Variants in NAV3 observed in about 807,000 individuals in gnomAD.
The protein encoded by NAV3 is pore membrane and/or filament interacting like protein 1.
In NAV3, 87 loss-of-function variants were observed where a neutral mutation model predicts 244.7. The ratio of observed to expected loss-of-function variants is 0.36; its 90% CI spans 0.30 to 0.42. NAV3 has a LOEUF of 0.42. Ranked by LOEUF, NAV3 falls within the 20% of genes least tolerant of loss-of-function variation. The probability of loss-of-function intolerance (pLI) is 1.00; values close to 1 mark genes in which losing one functional copy is unlikely to be tolerated. For missense variants in NAV3, 2,663 were observed against 2,893.3 expected (o/e 0.92, Z 1.83); for synonymous variants, 1,126 against 1,042.2 (o/e 1.08, Z -1.55).
Position 78,210,611 on chromosome 12 carries a change from C to A in NAV3, c.*94C>A. 6.9e-7 allele frequency: 1 copy of A among 1,445,690 alleles called. No homozygotes were observed. The highest frequency in any genetic ancestry group is 1.4e-5 in the South Asian group (1 of 73,088). 89.6% of individuals were successfully genotyped at this position (1,445,690 alleles called of 1,614,324 possible). A position where few individuals can be genotyped will look rare whatever the true frequency, so the allele number is the denominator to read the frequency against. On this transcript the variant is annotated 3_prime_UTR_variant, in exon 40 of 40. Coordinates refer to ENST00000397909, the MANE Select transcript of NAV3 (RefSeq NM_001024383.2). ...TAAACCACTGCCAGTATAAAAGCAC[C>A]CTGTCAAGGGCCCTGACCCAGAGTT... is the stretch of plus-strand genomic sequence containing the variant.
intron 34 of NAV3, among the ~76,000 whole-genome samples, chr12:78,192,933 G>A (rs1483325193): frequency 1.3e-5 from 2 of 152,070 alleles, no homozygotes; most frequent in East Asian, 3.9e-4. Flanking sequence ...GAGGGTAAGT[G>A]AGGATAAATA....
intron 12 of NAV3, among the ~76,000 whole-genome samples, chr12:78,077,650 CAT>C (rs1396134583): frequency 3.9e-5 from 6 of 152,128 alleles, no homozygotes; most frequent in African/African-American, 1.4e-4. Context: ...GCAACAGAAA[CAT>C]ATTGTCCAGG....
chr12:77,826,487 G>A (rs921993392), upstream of NAV3, among the ~76,000 whole-genome samples: 7 of 152,040 alleles, frequency 4.6e-5, no homozygotes, highest in Admixed American at 1.3e-4. Context: ...GCGTGACTCT[G>A]TCCCCCTCCC....
rs145622902 is a variant in NAV3 at position 77,634,664 on chromosome 12, C to T, written c.72+62398C>T. 5.3e-4 allele frequency among the ~76,000 whole-genome samples: 80 copies of T among 152,046 alleles called. 1 individual carries two copies. Among genetic ancestry groups the T allele is most frequent in the African/African-American group, 1.9e-3 (78 of 41,498 alleles). ...TCGCCTATTTCCATTTTGAAATTTC[C>T]TTAAAAATATATCTGTGCATATTAA... is the stretch of plus-strand genomic sequence containing the variant. On this transcript the variant is annotated intron_variant, in intron 2 of 8. Coordinates refer to the NAV3 transcript ENST00000550042.
intron 12 of NAV3, among the ~76,000 whole-genome samples, chr12:78,071,215 C>T (rs1028949762): frequency 2.2e-4 from 34 of 152,186 alleles, no homozygotes; most frequent in Admixed American, 1.7e-3. Context: ...CCAGCACCTG[C>T]TGTTTCCTGA....
chr12:78,029,393 G>GATAGAA (rs1878607377), intron 9 of NAV3, among the ~76,000 whole-genome samples: 1 of 152,134 alleles, frequency 6.6e-6, no homozygotes, highest in Non-Finnish European at 1.5e-5. Context: ...GAGACAACAT[G>GATAGAA]ATAGAAATGC....
At chr12:77,803,321 C>T (rs530429932) in intron 2 of NAV3, among the ~76,000 whole-genome samples, 1 of 152,226 alleles carries the variant, frequency 6.6e-6, no homozygotes, top group East Asian at 1.9e-4. Context: ...TGTTTCCCTC[C>T]CTGTGTCCAT....
chr12:77,866,873 A>G (rs1326570239), intron 1 of NAV3, among the ~76,000 whole-genome samples: 3 of 152,226 alleles, frequency 2.0e-5, no homozygotes, highest in Admixed American at 6.5e-5. Flanking sequence ...AAACCTCTCA[A>G]ATATACTTAC....
At chr12:77,590,794 C>T (rs574843837) in intron 2 of NAV3, among the ~76,000 whole-genome samples, 1 of 152,314 alleles carries the variant, frequency 6.6e-6, no homozygotes, top group Non-Finnish European at 1.5e-5. Flanking sequence ...ATTAAGAAAG[C>T]AGGTTGTAGC....
At chr12:78,174,435 C>G (rs1166877412) in intron 24 of NAV3, among the ~76,000 whole-genome samples, 3 of 151,756 alleles carry the variant, frequency 2.0e-5, no homozygotes, top group Non-Finnish European at 2.9e-5. Flanking sequence ...TTAGAAACAG[C>G]CTAAGGCTGA....
intron 1 of NAV3, among the ~76,000 whole-genome samples, chr12:77,935,217 A>G (rs1165542004): frequency 2.6e-5 from 4 of 152,292 alleles, no homozygotes; most frequent in East Asian, 3.9e-4. Context: ...TAATACTGTC[A>G]GTAGTAAAAA....
chr12:77,967,660 C>CT (rs1165838204), intron 4 of NAV3, among the ~76,000 whole-genome samples: 1 of 152,012 alleles, frequency 6.6e-6, no homozygotes, highest in East Asian at 1.9e-4. Flanking sequence ...TCAAGCTTTA[C>CT]ATCCTTCTCT....
At chr12:78,155,091 A>G (rs1335684512) in intron 22 of NAV3, among the ~76,000 whole-genome samples, 6 of 152,078 alleles carry the variant, frequency 3.9e-5, no homozygotes, top group African/African-American at 1.2e-4. Flanking sequence ...AACATATGCC[A>G]TAGTGATTTG....
intron 1 of NAV3, among the ~76,000 whole-genome samples, chr12:77,839,130 ATC>A (rs1163734257): frequency 1.3e-5 from 2 of 152,182 alleles, no homozygotes; most frequent in Non-Finnish European, 2.9e-5. Flanking sequence ...CAGCATGTCT[ATC>A]TCTATCCACC....
intron 2 of NAV3, among the ~76,000 whole-genome samples, chr12:77,742,201 GGA>G (rs1429571131): frequency 1.3e-5 from 2 of 151,778 alleles, no homozygotes; most frequent in Admixed American, 6.6e-5. Context: ...GTTAACTTTG[GGA>G]GAGTTTTTCA....
chr12:77,865,119 A>G (rs547193680), intron 1 of NAV3, among the ~76,000 whole-genome samples: 3 of 152,240 alleles, frequency 2.0e-5, no homozygotes, highest in East Asian at 3.9e-4. Context: ...AAATATAAAT[A>G]GTGGGTGAGG....
At chr12:78,135,253 T>A (rs1393153908) in intron 18 of NAV3, among the ~76,000 whole-genome samples, 1 of 152,214 alleles carries the variant, frequency 6.6e-6, no homozygotes, top group African/African-American at 2.4e-5. Flanking sequence ...AATCAGAGAC[T>A]GTGTCATATT....
At chr12:78,002,261 T>C in intron 7 of NAV3, among the ~76,000 whole-genome samples, 1 of 152,164 alleles carries the variant, frequency 6.6e-6, no homozygotes, top group East Asian at 1.9e-4. Context: ...TGGAGAGGTG[T>C]TTTTCCATGT....
intron 1 of NAV3, among the ~76,000 whole-genome samples, chr12:77,870,876 TA>T (rs1880847340): frequency 6.6e-6 from 1 of 152,236 alleles, no homozygotes; most frequent in South Asian, 2.1e-4. Flanking sequence ...AAAGCCTAAG[TA>T]AACATTTGTT....
Sources: gnomAD v4.1 joint callset for allele counts (sites outside exome capture counted in the v4.1 genomes callset) on GRCh38, gnomAD v4.1.1 for gene constraint, MANE v1.5 for transcripts, NCBI Gene and HGNC (gene_info 2026-07-23, HGNC 2026-07-21) for gene names.